Variants in AGBL4 observed in about 807,000 individuals in gnomAD.
AGBL4 encodes AGBL carboxypeptidase 4, also known as cytosolic carboxypeptidase 6.
In AGBL4, 58 loss-of-function variants were observed where a neutral mutation model predicts 66.4. That is an observed-to-expected ratio of 0.87 (90% CI 0.71 to 1.09). The LOEUF (loss-of-function observed/expected upper bound fraction) is 1.09, where lower values mean the gene tolerates loss of function less well. Ranked by LOEUF, AGBL4 falls within the 50% of genes least tolerant of loss-of-function variation. The pLI is 0.00. For missense variants in AGBL4, 579 were observed against 631.0 expected (o/e 0.92, Z 0.88); for synonymous variants, 234 against 222.9 (o/e 1.05, Z -0.44).
At chr1:48,919,191 T>C (rs1216411817) in intron 5 of AGBL4, among the ~76,000 whole-genome samples, 1 of 152,212 alleles carries the variant, frequency 6.6e-6, no homozygotes, top group Non-Finnish European at 1.5e-5. Context: ...ATGAACTATC[T>C]CAGTGGTTTA....
intron 2 of AGBL4, among the ~76,000 whole-genome samples, chr1:49,747,868 T>C (rs984202871): frequency 2.6e-5 from 4 of 152,066 alleles, no homozygotes; most frequent in Non-Finnish European, 5.9e-5. Flanking sequence ...ATTTTTTATC[T>C]ACAAAATGTT....
At chr1:50,014,245 C>A (rs1661766368) in intron 1 of AGBL4, among the ~76,000 whole-genome samples, 2 of 151,888 alleles carry the variant, frequency 1.3e-5, no homozygotes, top group Non-Finnish European at 2.9e-5. Context: ...GTGGCATGCA[C>A]CTGTAGTCCC....
intron 3 of AGBL4, among the ~76,000 whole-genome samples, chr1:49,474,771 G>A (rs1646814125): frequency 6.6e-6 from 1 of 151,934 alleles, no homozygotes. Flanking sequence ...TCTCAGTCTG[G>A]CCTTGTTTGT....
At chr1:49,711,229 C>T (rs1013088693) in intron 2 of AGBL4, among the ~76,000 whole-genome samples, 3 of 152,046 alleles carry the variant, frequency 2.0e-5, no homozygotes, top group Non-Finnish European at 2.9e-5. Flanking sequence ...TATGACCTAG[C>T]TGGTCATAGA....
intron 1 of AGBL4, among the ~76,000 whole-genome samples, chr1:49,891,211 A>G (rs1648610203): frequency 6.6e-6 from 1 of 152,216 alleles, no homozygotes; most frequent in Admixed American, 6.5e-5. Context: ...AAAGAAATTG[A>G]GAGCACTATT....
At chr1:49,542,075 T>C (rs1476204752) in intron 3 of AGBL4, among the ~76,000 whole-genome samples, 1 of 152,174 alleles carries the variant, frequency 6.6e-6, no homozygotes, top group Admixed American at 6.5e-5. Context: ...AGAACGTTTG[T>C]GTCTAGCTCA....
At chr1:49,678,245 G>T (rs1357610840) in intron 3 of AGBL4, among the ~76,000 whole-genome samples, 1 of 152,100 alleles carries the variant, frequency 6.6e-6, no homozygotes, top group Admixed American at 6.6e-5. Flanking sequence ...ATTTATGTGT[G>T]TAGGGCTATT....
intron 1 of AGBL4, among the ~76,000 whole-genome samples, chr1:49,896,874 T>C (rs1649278397): frequency 6.6e-6 from 1 of 152,002 alleles, no homozygotes; most frequent in African/African-American, 2.4e-5. Context: ...ATCATTTCAA[T>C]TGATGCTGAA....
At chr1:48,828,329 A>G (rs1458131731) in intron 6 of AGBL4, among the ~76,000 whole-genome samples, 1 of 152,144 alleles carries the variant, frequency 6.6e-6, no homozygotes, top group Non-Finnish European at 1.5e-5. Flanking sequence ...AGTCTCCTCC[A>G]TTGCTCTAGC....
At chr1:49,550,394 T>C (rs1335634070) in intron 3 of AGBL4, among the ~76,000 whole-genome samples, 1 of 152,234 alleles carries the variant, frequency 6.6e-6, no homozygotes, top group Non-Finnish European at 1.5e-5. Context: ...GTTTTATAAG[T>C]CCTGTGTGAT....
chr1:49,523,636 G>A (rs1322550326), intron 3 of AGBL4, among the ~76,000 whole-genome samples: 7 of 152,032 alleles, frequency 4.6e-5, no homozygotes, highest in Admixed American at 2.0e-4. Context: ...CCCTTAACAC[G>A]TGACGTAAGG....
chr1:49,104,938 T>A (rs1394549990), intron 4 of AGBL4, among the ~76,000 whole-genome samples: 5 of 152,296 alleles, frequency 3.3e-5, no homozygotes, highest in Admixed American at 3.3e-4. Context: ...CTGGGAGATA[T>A]CACATTTCTT....
At chr1:48,705,226 A>G (rs903080815) in intron 6 of AGBL4, among the ~76,000 whole-genome samples, 7 of 152,250 alleles carry the variant, frequency 4.6e-5, no homozygotes, top group African/African-American at 1.7e-4. Flanking sequence ...AAAACAGTTT[A>G]TTAAAAAAAT....
intron 3 of AGBL4, among the ~76,000 whole-genome samples, chr1:49,401,662 G>C (rs909090866): frequency 6.6e-6 from 1 of 152,038 alleles, no homozygotes; most frequent in Non-Finnish European, 1.5e-5. Context: ...ATGTATCCTT[G>C]TCTGGTTTTA....
At chr1:49,773,052 TCTCA>T (rs1451898089) in intron 2 of AGBL4, among the ~76,000 whole-genome samples, 4 of 152,216 alleles carry the variant, frequency 2.6e-5, no homozygotes, top group Non-Finnish European at 4.4e-5. Context: ...TTTTTTATCC[TCTCA>T]CTATTTCAAA....
intron 6 of AGBL4, among the ~76,000 whole-genome samples, chr1:48,816,110 G>GACAGACAGAC (rs749937232): frequency 7.6e-4 from 115 of 151,932 alleles, no homozygotes; most frequent in Non-Finnish European, 1.2e-3. Flanking sequence ...AAGAGAGAGA[G>GACAGACAGAC]ACAGACAGAC....
intron 5 of AGBL4, among the ~76,000 whole-genome samples, chr1:48,967,709 G>A (rs550846022): frequency 6.6e-6 from 1 of 152,228 alleles, no homozygotes; most frequent in South Asian, 2.1e-4. Flanking sequence ...AGAAAGGCAG[G>A]ATAGACAGAA....
intron 3 of AGBL4, among the ~76,000 whole-genome samples, chr1:49,691,847 G>A (rs918432640): frequency 1.3e-5 from 2 of 152,128 alleles, no homozygotes; most frequent in South Asian, 2.1e-4. Context: ...TTTCTCCCTT[G>A]CTGGATACTT....
chr1:49,260,042 T>C (rs1652967719), intron 3 of AGBL4, among the ~76,000 whole-genome samples: 1 of 150,910 alleles, frequency 6.6e-6, no homozygotes, highest in African/African-American at 2.4e-5. Context: ...CTGAACAACC[T>C]GCTCCTGAAT....
Sources: gnomAD v4.1 joint callset for allele counts (sites outside exome capture counted in the v4.1 genomes callset) on GRCh38, gnomAD v4.1.1 for gene constraint, MANE v1.5 for transcripts, NCBI Gene and HGNC (gene_info 2026-07-23, HGNC 2026-07-21) for gene names.